EML6: variants seen among roughly 807,000 people sequenced by gnomAD.
EML6 encodes the protein echinoderm microtubule-associated protein-like 6.
A neutral mutation model predicts 240.1 loss-of-function variants in EML6; 154 were observed. The ratio of observed to expected loss-of-function variants is 0.64; its 90% confidence interval spans 0.56 to 0.73. The LOEUF (loss-of-function observed/expected upper bound fraction) is 0.73, where lower values mean the gene tolerates loss of function less well. EML6 is among the 30% of genes least tolerant of loss of function. EML6 has a pLI of 0.00. For missense variants in EML6, 2,964 were observed against 2,474.6 expected (o/e 1.20, Z -4.20); for synonymous variants, 1,148 against 899.0 (o/e 1.28, Z -4.95).
At position 54,899,791 on chromosome 2, in the gene EML6, C is replaced by G. The variant is rs774421342; in HGVS notation, c.3124+9C>G. 4 of 1,546,696 alleles carry G rather than the reference C, an allele frequency of 2.6e-6. No individual in the cohort carries two copies. The East Asian group carries it at 9.8e-5, about 38-fold the overall frequency. ...ACGGAAACTCAAAAAAGGTACATAA[C>G]ACCACCTTACACATCTGTCAGAGTA... On this transcript the variant is annotated intron_variant, in intron 22 of 41. Transcript: ENST00000356458.
chr2:54,776,877 T>G (rs1337434537), intron 2 of EML6, among the ~76,000 whole-genome samples: 3 of 152,228 alleles, frequency 2.0e-5, no homozygotes, highest in African/African-American at 7.2e-5. Flanking sequence ...TGGGATAGTT[T>G]ATGGCTTAAT....
intron 28 of EML6, among the ~76,000 whole-genome samples, chr2:54,931,431 C>G (rs1305681510): frequency 6.6e-6 from 1 of 152,116 alleles, no homozygotes; most frequent in African/African-American, 2.4e-5. Flanking sequence ...CTCTAGCATC[C>G]TGGAATGACA....
intron 14 of EML6, chr2:54,868,353 T>G (rs1464950746): frequency 6.6e-6 from 1 of 152,232 alleles, no homozygotes; most frequent in Non-Finnish European, 1.5e-5. Context: ...TTGTTGGAAA[T>G]TATTTTAATA....
At chr2:54,940,249 T>A (rs1318311273) in intron 28 of EML6, among the ~76,000 whole-genome samples, 1 of 152,196 alleles carries the variant, frequency 6.6e-6, no homozygotes, top group Non-Finnish European at 1.5e-5. Flanking sequence ...ATCTTCCACC[T>A]CATTCTTTCT....
At chr2:54,823,419 G>C (rs960270853) in intron 5 of EML6, among the ~76,000 whole-genome samples, 1 of 151,380 alleles carries the variant, frequency 6.6e-6, no homozygotes, top group Non-Finnish European at 1.5e-5. Flanking sequence ...TATGTTCCAA[G>C]ATTACCAATG....
intron 26 of EML6, among the ~76,000 whole-genome samples, chr2:54,921,799 C>G (rs919519563): frequency 6.6e-6 from 1 of 152,000 alleles, no homozygotes; most frequent in African/African-American, 2.4e-5. Context: ...CCATCTTTGA[C>G]AAGGATACCA....
chr2:54,871,626 C>T, intron 16 of EML6, 21 bp downstream of exon 16: 1 of 1,485,898 alleles, frequency 6.7e-7, no homozygotes, highest in Non-Finnish European at 9.2e-7. Flanking sequence ...GAGTGATTGA[C>T]ACATGGTTCT....
intron 11 of EML6, among the ~76,000 whole-genome samples, chr2:54,854,681 C>A (rs1346459610): frequency 6.6e-6 from 1 of 152,196 alleles, no homozygotes; most frequent in Non-Finnish European, 1.5e-5. Flanking sequence ...AGCTAACTGG[C>A]AGTTTTGAAG....
At chr2:54,915,929 TAA>T (rs1673887030) in intron 25 of EML6, among the ~76,000 whole-genome samples, 3 of 152,192 alleles carry the variant, frequency 2.0e-5, no homozygotes. Flanking sequence ...CAGAAAGCCA[TAA>T]TGTTGTTGTT....
chr2:54,766,974 G>T (rs117814564), intron 2 of EML6, among the ~76,000 whole-genome samples: 1 of 151,958 alleles, frequency 6.6e-6, no homozygotes, highest in Admixed American at 6.5e-5. Context: ...TCCTTTGTTT[G>T]CAATAGCAGC....
intron 25 of EML6, among the ~76,000 whole-genome samples, chr2:54,913,835 T>A (rs923072139): frequency 3.3e-5 from 5 of 152,214 alleles, no homozygotes; most frequent in African/African-American, 1.2e-4. Context: ...AATTTTTGTG[T>A]ATGGTGAAAT....
intron 2 of EML6, among the ~76,000 whole-genome samples, chr2:54,798,650 A>G (rs1035099720): frequency 3.9e-5 from 6 of 152,132 alleles, no homozygotes; most frequent in African/African-American, 1.4e-4. Context: ...ATATTGTTAT[A>G]CTGAATTCTA....
intron 38 of EML6, among the ~76,000 whole-genome samples, chr2:54,965,436 C>G (rs1390821073): frequency 6.6e-6 from 1 of 152,196 alleles, no homozygotes; most frequent in African/African-American, 2.4e-5. Flanking sequence ...GCTGCCTAGA[C>G]AGAGCCCATT....
At chr2:54,967,199 A>G in intron 39 of EML6, 96 bp downstream of exon 39, 1 of 802,836 alleles carries the variant, frequency 1.2e-6, no homozygotes, top group South Asian at 1.7e-5. Context: ...GATCTGAAGA[A>G]GCTGAGAAAT....
chr2:54,799,346 C>T (rs557417629), intron 2 of EML6, among the ~76,000 whole-genome samples: 3 of 152,130 alleles, frequency 2.0e-5, no homozygotes, highest in South Asian at 2.1e-4. Context: ...CAGGCATGAG[C>T]CACCACGCCC....
chr2:54,816,873 C>G lies in EML6; in HGVS notation c.444C>G (p.Gly148=), dbSNP rs370463321. Reference sequence around the variant, plus strand: ...GAAAACTTCTGGCGTCAGCCACCGGCCATTCTGACAGGGTAAGAACTTGTT... The same window carrying G: ...GAAAACTTCTGGCGTCAGCCACCGGGCATTCTGACAGGGTAAGAACTTGTT... ...RKGKLLASAT[G]HSDRIFDISW... is the part of the protein sequence containing the mutation. The change falls in exon 4 of 42, where the codon GGC becomes GGG. Residue 148 remains glycine (G), a synonymous_variant. Coordinates refer to ENST00000356458, the MANE Select transcript of EML6 (RefSeq NM_001039753.4). 2 of 1,550,320 alleles carry G rather than the reference C, an allele frequency of 1.3e-6. No homozygotes were observed. The highest frequency in any genetic ancestry group is 2.7e-5 in the African/African-American group (2 of 73,016).
At chr2:54,733,313 T>C (rs1683251330) in intron 2 of EML6, among the ~76,000 whole-genome samples, 1 of 152,242 alleles carries the variant, frequency 6.6e-6, no homozygotes, top group South Asian at 2.1e-4. Flanking sequence ...AAAACATTTT[T>C]CTGTGTTACG....
At chr2:54,829,236 T>C in intron 6 of EML6, 106 bp from the exon 7 acceptor site, 2 of 1,085,256 alleles carry the variant, frequency 1.8e-6, no homozygotes, top group South Asian at 1.8e-5. Flanking sequence ...AAAGGGGTTT[T>C]ATTTTTGTTT....
At chr2:54,832,297 C>A (rs1412457794) in intron 7 of EML6, among the ~76,000 whole-genome samples, 1 of 152,214 alleles carries the variant, frequency 6.6e-6, no homozygotes, top group Non-Finnish European at 1.5e-5. Context: ...CTCTAAGGTG[C>A]TCTGTTGCGC....
Sources: allele counts gnomAD v4.1 joint callset (sites outside exome capture counted in the v4.1 genomes callset), GRCh38; gene constraint gnomAD v4.1.1; transcripts MANE v1.5; gene names NCBI Gene and HGNC (gene_info 2026-07-23, HGNC 2026-07-21).